Variants in EVC2 observed in about 807,000 individuals in gnomAD.
The protein encoded by EVC2 is limbin.
EVC2 carries 148 observed loss-of-function variants against 149.3 expected under a neutral mutation model. The ratio of observed to expected loss-of-function variants is 0.99; its 90% CI spans 0.87 to 1.14. The LOEUF is 1.14. EVC2 is among the 50% of genes most tolerant of loss of function. The pLI is 0.00. For missense variants in EVC2, 1,854 were observed against 1,627.3 expected (o/e 1.14, Z -2.40); for synonymous variants, 776 against 649.9 (o/e 1.19, Z -2.95).
intron 16 of EVC2, among the ~76,000 whole-genome samples, chr4:5,597,883 A>C (rs1337164222): frequency 4.4e-5 from 5 of 114,052 alleles, no homozygotes; most frequent in African/African-American, 1.6e-4. Flanking sequence ...CAGGATACAA[A>C]ATCAATGTAC....
chr4:5,653,260 G>A (rs1046034961), intron 9 of EVC2, among the ~76,000 whole-genome samples: 1 of 152,214 alleles, frequency 6.6e-6, no homozygotes, highest in Non-Finnish European at 1.5e-5. Flanking sequence ...AAGGAGTTAT[G>A]ACTTCAACAT....
In EVC2 at chr4:5,636,429, AGACT is replaced by A. The variant is rs1716894461; in HGVS notation, c.1470+4081_1470+4084del. Among the ~76,000 whole-genome samples, 1 of 152,218 alleles carries A rather than the reference AGACT, an allele frequency of 6.6e-6. No homozygotes were observed. The highest frequency in any genetic ancestry group is 1.5e-5 in the Non-Finnish European group (1 of 68,036). ...ATTTCTGTGTGTATTGAACACATACAGACTATTTTTTTCTTGTTGTTATTCCCTA... is the reference window on the plus strand; with the variant it reads ...ATTTCTGTGTGTATTGAACACATACAATTTTTTTCTTGTTGTTATTCCCTA... On this transcript the variant is annotated intron_variant, in intron 10 of 21. Transcript: ENST00000344408. This position sits in a 1 kb window ranked among gnomAD's most constrained non-coding sequence, Gnocchi z 4.6.
chr4:5,627,944 G>A (rs1393411455), intron 12 of EVC2, among the ~76,000 whole-genome samples: 2 of 152,092 alleles, frequency 1.3e-5, no homozygotes, highest in East Asian at 3.9e-4. Flanking sequence ...ATCTGGGGTG[G>A]AGATGTGTAG....
intron 15 of EVC2, among the ~76,000 whole-genome samples, chr4:5,615,998 G>A (rs559390317): frequency 2.6e-5 from 4 of 152,362 alleles, no homozygotes; most frequent in East Asian, 3.9e-4. Flanking sequence ...CCACGTTGGC[G>A]GACAGGACCT....
At chr4:5,654,104 C>G (rs1718336372) in intron 9 of EVC2, among the ~76,000 whole-genome samples, 1 of 152,184 alleles carries the variant, frequency 6.6e-6, no homozygotes, top group Admixed American at 6.5e-5. Flanking sequence ...ATCCCAGCTA[C>G]TCAGGAGGCT....
intron 16 of EVC2, among the ~76,000 whole-genome samples, chr4:5,598,822 A>T (rs1459120450): frequency 1.3e-5 from 2 of 152,150 alleles, no homozygotes; most frequent in Non-Finnish European, 2.9e-5. Context: ...CCTACTCATC[A>T]GACAAAAGGC....
intron 17 of EVC2, among the ~76,000 whole-genome samples, chr4:5,578,861 A>G (rs1476230918): frequency 6.6e-6 from 1 of 152,032 alleles, no homozygotes; most frequent in African/African-American, 2.4e-5. Context: ...GGAAGAGACC[A>G]CCTCTGCCAG....
intron 16 of EVC2, among the ~76,000 whole-genome samples, chr4:5,596,792 GA>G (rs1255331174): frequency 1.3e-5 from 2 of 152,024 alleles, no homozygotes; most frequent in Non-Finnish European, 2.9e-5. Context: ...TTTCTGAAAG[GA>G]TCAACAAAAC....
chr4:5,538,256 A>G (rs1721456508), downstream of EVC2, among the ~76,000 whole-genome samples: 1 of 152,180 alleles, frequency 6.6e-6, no homozygotes, highest in South Asian at 2.1e-4. Context: ...AATTCCTTAA[A>G]GTACATACAT....
At chr4:5,544,059 G>A (rs1333987526) in intron 21 of EVC2, among the ~76,000 whole-genome samples, 3 of 152,146 alleles carry the variant, frequency 2.0e-5, no homozygotes, top group African/African-American at 7.2e-5. Context: ...GTGGAACTGG[G>A]CACCAGACAC....
At chr4:5,634,778 G>A (rs1716777883) in intron 10 of EVC2, among the ~76,000 whole-genome samples, 1 of 152,046 alleles carries the variant, frequency 6.6e-6, no homozygotes, top group African/African-American at 2.4e-5. Context: ...GCACACCCCT[G>A]GGCCTGCCAA....
intron 2 of EVC2, 62 bp downstream of exon 2, chr4:5,697,531 G>A: frequency 6.6e-7 from 1 of 1,526,328 alleles, no homozygotes; most frequent in Admixed American, 1.7e-5. Context: ...AGGAAGGAGG[G>A]CTTCAGGCTT....
chr4:5,541,137 TA>T (rs1721503965), downstream of EVC2, among the ~76,000 whole-genome samples: 1 of 152,184 alleles, frequency 6.6e-6, no homozygotes, highest in Non-Finnish European at 1.5e-5. Context: ...TACGACTTTT[TA>T]AGGGAGGAAT....
intron 9 of EVC2, among the ~76,000 whole-genome samples, chr4:5,662,294 T>C (rs1260403528): frequency 6.6e-6 from 1 of 151,968 alleles, no homozygotes; most frequent in Non-Finnish European, 1.5e-5. Context: ...TAATGAGTAC[T>C]AGACTTAATA....
At chr4:5,617,310 T>G (rs908744302) in intron 15 of EVC2, among the ~76,000 whole-genome samples, 1 of 152,190 alleles carries the variant, frequency 6.6e-6, no homozygotes, top group Non-Finnish European at 1.5e-5. Flanking sequence ...ATCTGTAAAA[T>G]GGGACACCAT....
At position 5,565,021 on chromosome 4, in the gene EVC2, T is replaced by C. The variant is rs4234707; in HGVS notation, c.3659+237A>G. On this transcript the variant is annotated intron_variant, in intron 21 of 21. Coordinates refer to ENST00000344408, the MANE Select transcript of EVC2 (RefSeq NM_147127.5). ...CATTAAAAATAGCCATTAGCTAAAA[T>C]AAATACAGAATGTAAATGTTAATAA... Among the ~76,000 whole-genome samples the C allele has an allele frequency of 0.93, 141,597 of 152,304 alleles. 66,307 individuals carry two copies. Among genetic ancestry groups the C allele is most frequent in the Non-Finnish European group, 0.99 (67,161 of 68,032 alleles).
intron 1 of EVC2, among the ~76,000 whole-genome samples, chr4:5,697,994 G>A (rs1318538360): frequency 2.0e-5 from 3 of 151,780 alleles, no homozygotes; most frequent in Admixed American, 1.3e-4. Context: ...CTCGTGATCC[G>A]CCTGCCTCAG....
At chr4:5,643,214 A>C (rs146814273) in intron 9 of EVC2, among the ~76,000 whole-genome samples, 29 of 152,320 alleles carry the variant, frequency 1.9e-4, no homozygotes, top group African/African-American at 6.7e-4. Context: ...TCTGAGCTTC[A>C]ACCTGTTTCT....
intron 16 of EVC2, among the ~76,000 whole-genome samples, chr4:5,601,126 C>T (rs766976104): frequency 1.8e-4 from 28 of 152,068 alleles, no homozygotes; most frequent in African/African-American, 3.1e-4. Context: ...CTACAGAGTG[C>T]GCAGCCCAGC....
Sources: allele counts gnomAD v4.1 joint callset (sites outside exome capture counted in the v4.1 genomes callset), GRCh38; gene constraint gnomAD v4.1.1; non-coding constraint Gnocchi (gnomAD v3.1); transcripts MANE v1.5; gene names NCBI Gene and HGNC (gene_info 2026-07-23, HGNC 2026-07-21).